The following HIPK3 variants were observed in gnomAD, a reference collection of about 807,000 sequenced individuals.
The protein encoded by HIPK3 is homeodomain interacting protein kinase 3.
In HIPK3, 47 loss-of-function variants were observed where a neutral mutation model predicts 124.2. The ratio of observed to expected loss-of-function variants is 0.38; its 90% confidence interval spans 0.30 to 0.48. The LOEUF (loss-of-function observed/expected upper bound fraction) is 0.48. Ranked by LOEUF, HIPK3 falls within the 20% of genes least tolerant of loss-of-function variation. The pLI, the probability that HIPK3 is intolerant of heterozygous loss-of-function variation, is 0.98. For missense variants in HIPK3, 1,286 were observed against 1,454.3 expected, an observed-to-expected ratio of 0.88 and a Z score of 1.88; for synonymous variants, 482 against 515.2, an observed-to-expected ratio of 0.94 and a Z score of 0.87.
intron 2 of HIPK3, among the ~76,000 whole-genome samples, chr11:33,297,383 C>G (rs1182610224): frequency 1.3e-5 from 2 of 152,254 alleles, no homozygotes; most frequent in Admixed American, 1.3e-4. Context: ...TGTGAGCCAC[C>G]GCGCCCTGCT....
At chr11:33,274,127 C>T (rs1451768328) in intron 1 of HIPK3, among the ~76,000 whole-genome samples, 2 of 152,178 alleles carry the variant, frequency 1.3e-5, no homozygotes, top group Admixed American at 6.5e-5. Context: ...ATCATTATCT[C>T]ATACAAAAAT....
rs1396246791 is a variant in HIPK3, at chr11:33,338,743, A to G, written c.1342-14A>G. On this transcript the variant is annotated splice_polypyrimidine_tract_variant and intron_variant, in intron 4 of 16. Coordinates refer to ENST00000303296, the MANE Select transcript of HIPK3 (RefSeq NM_005734.5). ...AATAATGTATTCTTTTTTCCCTTTG[A>G]TATATGCAATAAGACATTGGAAGAG... 2.6e-6 allele frequency: 4 copies of G among 1,538,134 alleles called. No individual in the cohort carries two copies. The highest frequency in any genetic ancestry group is 2.3e-5 in the East Asian group (1 of 44,340).
intron 1 of HIPK3, among the ~76,000 whole-genome samples, chr11:33,265,705 C>T (rs555390631): frequency 6.6e-4 from 88 of 132,838 alleles, no homozygotes; most frequent in Non-Finnish European, 1.1e-3. Context: ...CCCAGGAGGT[C>T]GAGGCTGCAG....
chr11:33,258,199 G>GGGGCGGGC, intron 1 of HIPK3: 2 of 636,596 alleles, frequency 3.1e-6, no homozygotes, highest in Non-Finnish European at 2.0e-6. Context: ...GGGCCCGGGG[G>GGGGCGGGC]CCTCGGCCCC....
chr11:33,272,632 CT>C (rs1851158284), intron 1 of HIPK3, among the ~76,000 whole-genome samples: 1 of 151,336 alleles, frequency 6.6e-6, no homozygotes, highest in African/African-American at 2.4e-5. Context: ...TTCCTTTTTC[CT>C]TTTTTCCTTT....
At chr11:33,311,590 A>G (rs182108231) in intron 2 of HIPK3, among the ~76,000 whole-genome samples, 6 of 152,184 alleles carry the variant, frequency 3.9e-5, no homozygotes, top group Non-Finnish European at 8.8e-5. Flanking sequence ...CTGTACACAT[A>G]CAGCCTGCCA....
chr11:33,310,422 C>A (rs1310956382), intron 2 of HIPK3, among the ~76,000 whole-genome samples: 1 of 152,088 alleles, frequency 6.6e-6, no homozygotes, highest in Non-Finnish European at 1.5e-5. Context: ...TCTCCTGCCT[C>A]TCAGCCTCCT....
intron 1 of HIPK3, among the ~76,000 whole-genome samples, chr11:33,279,453 A>G (rs577234130): frequency 6.6e-6 from 1 of 151,996 alleles, no homozygotes; most frequent in African/African-American, 2.4e-5. Context: ...TTGGTAAAGT[A>G]TTTGTTTCTG....
chr11:33,273,512 C>CAAAAAAAAA (rs398015727), intron 1 of HIPK3, among the ~76,000 whole-genome samples: 3 of 48,036 alleles, frequency 6.2e-5, no homozygotes, highest in African/African-American at 2.1e-4. Flanking sequence ...TCTGTCTCCA[C>CAAAAAAAAA]AAAAAAAAAA....
chr11:33,327,430 A>AT (rs1166675592), intron 2 of HIPK3, among the ~76,000 whole-genome samples: 1 of 152,202 alleles, frequency 6.6e-6, no homozygotes, highest in African/African-American at 2.4e-5. Flanking sequence ...TCCATATTGA[A>AT]AAAGACTGAA....
Position 33,351,709 on chromosome 11 carries a change from T to C in HIPK3, c.2909T>C (p.Val970Ala), listed in dbSNP as rs1331653916. The C allele has an allele frequency of 6.2e-7, 1 of 1,614,184 alleles. No homozygotes were observed. Among genetic ancestry groups the C allele is most frequent in the Non-Finnish European group, 8.5e-7 (1 of 1,180,014 alleles). ...HDSPFAESTF[V>A]EDTHENTELV... ...AGTCCATTTGCAGAGAGCACTTTTG[T>C]GGAGGACACTCATGAAAACACAGAA... Residue 970 changes from valine (V) to alanine (A), a missense_variant, in exon 15 of 17, where the codon GTG (valine) becomes GCG (alanine). Coordinates refer to ENST00000303296, the MANE Select transcript of HIPK3 (RefSeq NM_005734.5).
chr11:33,264,370 A>G (rs1036734482), intron 1 of HIPK3, among the ~76,000 whole-genome samples: 3 of 152,114 alleles, frequency 2.0e-5, no homozygotes, highest in Admixed American at 6.6e-5. Flanking sequence ...TTATGCTGGA[A>G]CACCTTTTCC....
chr11:33,282,189 C>T (rs1851428741), intron 1 of HIPK3, among the ~76,000 whole-genome samples: 1 of 151,412 alleles, frequency 6.6e-6, no homozygotes. Flanking sequence ...GAGTTCGAGA[C>T]CAGCCTGGGC....
intron 2 of HIPK3, among the ~76,000 whole-genome samples, chr11:33,287,926 A>G (rs1851599967): frequency 6.6e-6 from 1 of 152,180 alleles, no homozygotes; most frequent in African/African-American, 2.4e-5. Flanking sequence ...TAGAAAAATT[A>G]TATACAGGTT....
In HIPK3 at chr11:33,343,001, G is replaced by A. The variant is rs577361262; in HGVS notation, c.1897+1315G>A. Among the ~76,000 whole-genome samples the A allele has an allele frequency of 2.0e-4, 30 of 152,234 alleles. No homozygotes were observed. The South Asian group carries it at 6.2e-3, about 32-fold the overall frequency. On this transcript the variant is annotated intron_variant, in intron 8 of 16. Transcript: ENST00000303296. ...GCTTTAACATCTAGTTAATGCAAGA[G>A]GTCAATTACAGATGGGGCCCTAAAC...
chr11:33,304,679 C>A (rs887265206), intron 2 of HIPK3, among the ~76,000 whole-genome samples: 1 of 152,168 alleles, frequency 6.6e-6, no homozygotes, highest in Non-Finnish European at 1.5e-5. Context: ...TTACAAAATA[C>A]ATATTATGCT....
intron 2 of HIPK3, among the ~76,000 whole-genome samples, chr11:33,304,722 G>A (rs927601158): frequency 2.6e-5 from 4 of 152,188 alleles, no homozygotes; most frequent in Admixed American, 1.3e-4. Context: ...TACACATTCA[G>A]TTTTTTGATT....
At chr11:33,266,625 T>G (rs1319467266) in intron 1 of HIPK3, among the ~76,000 whole-genome samples, 2 of 152,174 alleles carry the variant, frequency 1.3e-5, no homozygotes, top group Non-Finnish European at 2.9e-5. Context: ...GAGGATTGCC[T>G]GAGCCCAGGG....
chr11:33,336,384 C>T (rs989674463), intron 3 of HIPK3, among the ~76,000 whole-genome samples: 5 of 152,218 alleles, frequency 3.3e-5, no homozygotes, highest in African/African-American at 1.2e-4. Context: ...AGTGTTTCCT[C>T]CAAACTCCCA....
Sources: allele counts gnomAD v4.1 joint callset (sites outside exome capture counted in the v4.1 genomes callset), GRCh38; gene constraint gnomAD v4.1.1; transcripts MANE v1.5; gene names NCBI Gene and HGNC (gene_info 2026-07-23, HGNC 2026-07-21).